FRMPD4: variants seen among roughly 807,000 people sequenced by gnomAD.
FRMPD4 encodes the protein FERM and PDZ domain-containing protein 4.
FRMPD4 carries 22 observed loss-of-function variants against 94.1 expected under a neutral mutation model. The ratio of observed to expected loss-of-function variants is 0.23; its 90% CI spans 0.17 to 0.33. FRMPD4 has a LOEUF of 0.33. Among genes scored for constraint, FRMPD4 ranks in the 10% least tolerant of loss-of-function variants. The pLI, the probability that FRMPD4 is intolerant of heterozygous loss-of-function variation, is 1.00. For missense variants in FRMPD4, 1,111 were observed against 1,339.9 expected (o/e 0.83, Z 2.67); for synonymous variants, 631 against 548.6 (o/e 1.15, Z -2.10).
chrX:12,523,115 T>C (rs1370877177), intron 2 of FRMPD4, among the ~76,000 whole-genome samples: 1 of 112,253 alleles, frequency 8.9e-6, no homozygotes, highest in Admixed American at 9.4e-5. Flanking sequence ...GACTGCCAAA[T>C]GTTAAACTGT....
At chrX:12,083,637 A>G (rs1282637796) in intron 3 of FRMPD4, among the ~76,000 whole-genome samples, 1 of 112,485 alleles carries the variant, frequency 8.9e-6, no homozygotes, top group Non-Finnish European at 1.9e-5. Context: ...TAGACACTCA[A>G]TGCCAGCCTG....
chrX:12,255,295 A>G (rs1220597145), intron 1 of FRMPD4, among the ~76,000 whole-genome samples: 1 of 111,216 alleles, frequency 9.0e-6, no homozygotes, highest in Non-Finnish European at 1.9e-5. Flanking sequence ...AGGAAGGGGA[A>G]TGGTCAGTGT....
intron 1 of FRMPD4, among the ~76,000 whole-genome samples, chrX:12,439,870 G>A (rs893494967): frequency 1.8e-5 from 2 of 111,738 alleles, no homozygotes; most frequent in Admixed American, 1.9e-4. Context: ...GTTTGCATTA[G>A]TTTGATGACT....
chrX:11,898,191 G>C (rs2053914859), intron 3 of FRMPD4, among the ~76,000 whole-genome samples: 1 of 110,880 alleles, frequency 9.0e-6, no homozygotes, highest in South Asian at 3.9e-4. Context: ...GTCTAGATCA[G>C]TGATTGTATT....
Position 12,303,292 on chromosome X carries a change from C to A in FRMPD4, c.41+164280C>A, listed in dbSNP as rs183215067. On this transcript the variant is annotated intron_variant, in intron 1 of 16. Coordinates refer to ENST00000675598, the MANE Select transcript of FRMPD4 (RefSeq NM_001368397.1). Reference sequence around the variant, plus strand: ...AAAATTGAAGTAAGATCTTTTCCCACAAGCCTTAAATAAAGAAATAAGATG... The same window carrying A: ...AAAATTGAAGTAAGATCTTTTCCCAAAAGCCTTAAATAAAGAAATAAGATG... 1.4e-4 allele frequency among the ~76,000 whole-genome samples: 16 copies of A among 111,807 alleles called. No individual in the cohort carries two copies. The East Asian group carries it at 4.2e-3, about 29-fold the overall frequency.
intron 1 of FRMPD4, among the ~76,000 whole-genome samples, chrX:12,483,219 C>A (rs1287483526): frequency 8.9e-6 from 1 of 111,814 alleles, no homozygotes; most frequent in Non-Finnish European, 1.9e-5. Context: ...TGTCTACAGA[C>A]AACGAAGTGG....
At chrX:12,173,077 A>G (rs760177596) in intron 1 of FRMPD4, among the ~76,000 whole-genome samples, 3 of 112,820 alleles carry the variant, frequency 2.7e-5, no homozygotes, top group African/African-American at 9.7e-5. Flanking sequence ...TTTCAAAGAT[A>G]TAAAATTCAT....
At chrX:12,454,792 G>A (rs1041395129) in intron 1 of FRMPD4, among the ~76,000 whole-genome samples, 101 of 101,608 alleles carry the variant, frequency 9.9e-4, no homozygotes, top group Non-Finnish European at 1.3e-3. Context: ...AAGAAAGCAT[G>A]AGGTTTGGAG....
At chrX:11,993,541 GAAACC>G (rs1336593095) in intron 3 of FRMPD4, among the ~76,000 whole-genome samples, 1 of 111,953 alleles carries the variant, frequency 8.9e-6, no homozygotes, top group Non-Finnish European at 1.9e-5. Flanking sequence ...CTGGTCTTGG[GAAACC>G]ATAAGGGATG....
chrX:12,146,290 G>A (rs1289082955), intron 1 of FRMPD4, among the ~76,000 whole-genome samples: 2 of 110,391 alleles, frequency 1.8e-5, no homozygotes, highest in South Asian at 4.0e-4. Flanking sequence ...CTTGAATCTG[G>A]GAGGCGAAGC....
intron 3 of FRMPD4, among the ~76,000 whole-genome samples, chrX:12,080,795 A>G (rs893932741): frequency 8.0e-5 from 9 of 112,186 alleles, no homozygotes; most frequent in Non-Finnish European, 3.8e-5. Context: ...TTTTTAGGTA[A>G]CTGAAGAAGG....
intron 1 of FRMPD4, among the ~76,000 whole-genome samples, chrX:11,835,902 TG>T (rs1181330583): frequency 8.9e-6 from 1 of 112,222 alleles, no homozygotes; most frequent in East Asian, 2.8e-4. Flanking sequence ...TTTGCCCATG[TG>T]GGGCACTAAA....
chrX:12,577,220 C>G (rs1468793823), intron 2 of FRMPD4, among the ~76,000 whole-genome samples: 1 of 110,690 alleles, frequency 9.0e-6, no homozygotes, highest in African/African-American at 3.3e-5. Context: ...CCAAAAGAAC[C>G]TTCCCTCCTG....
At chrX:12,187,265 C>T (rs1161821050) in intron 1 of FRMPD4, among the ~76,000 whole-genome samples, 1 of 111,643 alleles carries the variant, frequency 9.0e-6, no homozygotes, top group Non-Finnish European at 1.9e-5. Context: ...CTCTTGCCTA[C>T]TCCCATGTAT....
At chrX:11,881,114 A>G (rs1373152552) in intron 3 of FRMPD4, among the ~76,000 whole-genome samples, 1 of 112,616 alleles carries the variant, frequency 8.9e-6, no homozygotes, top group African/African-American at 3.2e-5. Flanking sequence ...GGCTAAAATA[A>G]AAATGCTGGC....
At chrX:11,930,107 C>CA (rs55973946) in intron 3 of FRMPD4, among the ~76,000 whole-genome samples, 1,462 of 13,195 alleles carry the variant, frequency 0.11, 340 homozygotes, top group Non-Finnish European at 0.14. Context: ...GACTCTGTCT[C>CA]AAAAAAAAAA....
At chrX:12,572,349 AT>A (rs755071915) in intron 2 of FRMPD4, among the ~76,000 whole-genome samples, 213 of 112,539 alleles carry the variant, frequency 1.9e-3, no homozygotes, top group Non-Finnish European at 3.2e-3. Context: ...GTATAAACAT[AT>A]TAAGGTAATC....
chrX:12,217,783 A>T (rs4830462), intron 1 of FRMPD4, among the ~76,000 whole-genome samples: 51,322 of 110,915 alleles, frequency 0.46, 8,494 homozygotes, highest in Non-Finnish European at 0.51. Flanking sequence ...GCACTACCGT[A>T]AGACTGAGTA....
chrX:12,167,780 C>T (rs891244084), intron 1 of FRMPD4, among the ~76,000 whole-genome samples: 3 of 111,469 alleles, frequency 2.7e-5, no homozygotes, highest in African/African-American at 9.8e-5. Context: ...GCCATGTGTA[C>T]GACATAAACA....
Sources: gnomAD v4.1 joint callset for allele counts (sites outside exome capture counted in the v4.1 genomes callset) on GRCh38, gnomAD v4.1.1 for gene constraint, MANE v1.5 for transcripts, NCBI Gene and HGNC (gene_info 2026-07-23, HGNC 2026-07-21) for gene names.